RARB: variants seen among roughly 807,000 people sequenced by gnomAD.
RARB encodes retinoic acid receptor beta.
In RARB, 17 loss-of-function variants were observed where a neutral mutation model predicts 51.9. The ratio of observed to expected loss-of-function variants is 0.33; its 90% CI spans 0.22 to 0.49. The LOEUF (loss-of-function observed/expected upper bound fraction) is 0.49, where lower values mean the gene tolerates loss of function less well. Ranked by LOEUF, RARB falls within the 20% of genes least tolerant of loss-of-function variation. The pLI, the probability that RARB is intolerant of heterozygous loss-of-function variation, is 0.99. For synonymous variants in RARB, 215 were observed against 195.4 expected (o/e 1.10, Z -0.84); for missense variants, 369 against 550.8 (o/e 0.67, Z 3.30).
At chr3:25,321,869 TA>T (rs542980653) in intron 5 of RARB, among the ~76,000 whole-genome samples, 1,590 of 143,292 alleles carry the variant, frequency 0.011, 16 homozygotes, top group African/African-American at 0.031. Flanking sequence ...CTCTAAAATT[TA>T]AAAAAAAAAA....
chr3:25,273,094 G>A (rs1225469705), intron 5 of RARB, among the ~76,000 whole-genome samples: 1 of 152,126 alleles, frequency 6.6e-6, no homozygotes, highest in African/African-American at 2.4e-5. Flanking sequence ...TACACAAATA[G>A]CCCCAAGCTT....
At chr3:25,092,929 C>CT (rs1210767835) in intron 3 of RARB, among the ~76,000 whole-genome samples, 10 of 152,114 alleles carry the variant, frequency 6.6e-5, no homozygotes, top group African/African-American at 2.2e-4. Flanking sequence ...TGAGACATTT[C>CT]TTATAGCATT....
intron 5 of RARB, among the ~76,000 whole-genome samples, chr3:25,348,763 T>A (rs1705472553): frequency 6.6e-6 from 1 of 152,222 alleles, no homozygotes. Flanking sequence ...TCCCTGAATT[T>A]CAACACATTT....
chr3:24,984,424 A>G (rs570533012), intron 2 of RARB, among the ~76,000 whole-genome samples: 1 of 152,330 alleles, frequency 6.6e-6, no homozygotes, highest in South Asian at 2.1e-4. Flanking sequence ...AAAAGAGAAA[A>G]TAAAGTGTGG....
intron 3 of RARB, among the ~76,000 whole-genome samples, chr3:25,543,126 T>C (rs942677689): frequency 1.3e-5 from 2 of 152,168 alleles, no homozygotes; most frequent in African/African-American, 4.8e-5. Context: ...GCCAAGGGCC[T>C]TGTGACAAAG....
At chr3:25,058,904 T>A (rs980230532) in intron 2 of RARB, among the ~76,000 whole-genome samples, 5 of 151,770 alleles carry the variant, frequency 3.3e-5, no homozygotes, top group African/African-American at 1.2e-4. Context: ...ATTCTTATGG[T>A]AATAAAATAT....
intron 5 of RARB, among the ~76,000 whole-genome samples, chr3:25,326,065 A>G (rs964628913): frequency 6.6e-6 from 1 of 152,148 alleles, no homozygotes; most frequent in Non-Finnish European, 1.5e-5. Context: ...GAATTTCTTA[A>G]AGAGAGTTAC....
At chr3:25,331,856 C>T (rs916008521) in intron 5 of RARB, among the ~76,000 whole-genome samples, 1 of 152,020 alleles carries the variant, frequency 6.6e-6, no homozygotes, top group African/African-American at 2.4e-5. Context: ...ACCACCGATC[C>T]CACAGAAATA....
intron 3 of RARB, among the ~76,000 whole-genome samples, chr3:25,105,173 T>C (rs924578728): frequency 6.6e-6 from 1 of 152,116 alleles, no homozygotes; most frequent in Non-Finnish European, 1.5e-5. Flanking sequence ...GTTTTTACTT[T>C]TGCTCCCCTC....
chr3:25,257,630 C>G (rs981586273), intron 5 of RARB, among the ~76,000 whole-genome samples: 2 of 152,034 alleles, frequency 1.3e-5, no homozygotes, highest in Non-Finnish European at 2.9e-5. Context: ...ATGGAAAGCC[C>G]TGTGTCCAAG....
chr3:24,966,841 A>G (rs555799016), intron 2 of RARB, among the ~76,000 whole-genome samples: 5 of 152,132 alleles, frequency 3.3e-5, no homozygotes, highest in Non-Finnish European at 7.4e-5. Flanking sequence ...AAAATCATTC[A>G]GGTGATCATT....
At chr3:25,230,897 A>G (rs1448024751) in intron 5 of RARB, among the ~76,000 whole-genome samples, 2 of 152,182 alleles carry the variant, frequency 1.3e-5, no homozygotes, top group Non-Finnish European at 2.9e-5. Context: ...GCCACACAGG[A>G]CTACCATATT....
chr3:25,329,842 C>T (rs757523896), intron 5 of RARB, among the ~76,000 whole-genome samples: 1 of 152,062 alleles, frequency 6.6e-6, no homozygotes, highest in Non-Finnish European at 1.5e-5. Context: ...AGCTAAAAAC[C>T]ATGGCACGAG....
At chr3:25,491,619 A>G (rs944520853) in intron 2 of RARB, among the ~76,000 whole-genome samples, 3 of 152,204 alleles carry the variant, frequency 2.0e-5, no homozygotes, top group Non-Finnish European at 4.4e-5. Flanking sequence ...TTTATACAAA[A>G]TGAAAATGCT....
At chr3:25,472,782 A>G (rs2125570815) in intron 2 of RARB, among the ~76,000 whole-genome samples, 1 of 152,294 alleles carries the variant, frequency 6.6e-6, no homozygotes, top group East Asian at 1.9e-4. Flanking sequence ...ATTTTGAGAA[A>G]CTGGGAAAGC....
At chr3:25,116,849 C>A (rs990370736) in intron 3 of RARB, among the ~76,000 whole-genome samples, 1 of 151,996 alleles carries the variant, frequency 6.6e-6, no homozygotes, top group Non-Finnish European at 1.5e-5. Context: ...TGATTCATGA[C>A]AACTGAATAA....
intron 5 of RARB, among the ~76,000 whole-genome samples, chr3:25,203,544 C>T (rs199689905): frequency 0.1 from 15,882 of 151,998 alleles, 1,055 homozygotes; most frequent in South Asian, 0.26. Context: ...CTTTACAATT[C>T]GGCATGTTTT....
chr3:25,318,417 G>C (rs4263259), intron 5 of RARB, among the ~76,000 whole-genome samples: 5 of 152,064 alleles, frequency 3.3e-5, no homozygotes, highest in African/African-American at 1.2e-4. Flanking sequence ...TTTATGATGC[G>C]ACACTTCAAT....
intron 2 of RARB, among the ~76,000 whole-genome samples, chr3:24,887,806 C>A (rs572582195): frequency 1.3e-5 from 2 of 152,298 alleles, no homozygotes; most frequent in South Asian, 4.1e-4. Context: ...TGCAGCAGCT[C>A]TGTCAGGTTT....
Sources: gnomAD v4.1 joint callset for allele counts (sites outside exome capture counted in the v4.1 genomes callset) on GRCh38, gnomAD v4.1.1 for gene constraint, MANE v1.5 for transcripts, NCBI Gene and HGNC (gene_info 2026-07-23, HGNC 2026-07-21) for gene names.